Variants in GRIN2B observed in about 807,000 individuals in gnomAD.
The protein encoded by GRIN2B is glutamate receptor ionotropic, NMDA 2B.
A neutral mutation model predicts 114.5 loss-of-function variants in GRIN2B; 5 were observed. The observed-to-expected ratio is 0.04, with a 90% CI of 0.02 to 0.09. GRIN2B has a LOEUF of 0.09. GRIN2B is among the 10% of genes least tolerant of loss of function. The pLI is 1.00. For synonymous variants in GRIN2B, 787 were observed against 745.1 expected, an observed-to-expected ratio of 1.06 and a Z score of -0.92; for missense variants, 1,108 against 1,943.5, an observed-to-expected ratio of 0.57 and a Z score of 8.08.
chr12:13,695,955 TTGCTCCCTGTGACTG>T (rs1246024144), intron 4 of GRIN2B, among the ~76,000 whole-genome samples: 4 of 152,132 alleles, frequency 2.6e-5, no homozygotes, highest in Admixed American at 2.0e-4. Context: ...AATGCATCAA[TTGCTCCCTGTGACTG>T]CAGGGAGAAT....
At chr12:13,639,937 T>C (rs1160351305) in intron 5 of GRIN2B, among the ~76,000 whole-genome samples, 2 of 152,134 alleles carry the variant, frequency 1.3e-5, no homozygotes, top group South Asian at 2.1e-4. Flanking sequence ...CTTTTTACAC[T>C]TTTAGAGGCA....
chr12:13,584,080 C>T (rs1014716407), intron 10 of GRIN2B, among the ~76,000 whole-genome samples: 16 of 152,232 alleles, frequency 1.1e-4, no homozygotes, highest in Admixed American at 6.5e-5. Context: ...TTCAGAAGAA[C>T]GAAGGAGAGG....
At chr12:13,751,505 G>A (rs930014095) in intron 4 of GRIN2B, among the ~76,000 whole-genome samples, 13 of 152,126 alleles carry the variant, frequency 8.5e-5, no homozygotes, top group Admixed American at 3.9e-4. Flanking sequence ...ACTAAAATCC[G>A]GGGCAAACAG....
chr12:13,828,864 CA>C (rs1345337806), intron 3 of GRIN2B, among the ~76,000 whole-genome samples: 6 of 152,160 alleles, frequency 3.9e-5, no homozygotes, highest in Non-Finnish European at 2.9e-5. Flanking sequence ...TCAGTGGCTT[CA>C]TATTACACAT....
At chr12:13,589,262 C>T (rs529557010) in intron 10 of GRIN2B, among the ~76,000 whole-genome samples, 2 of 152,268 alleles carry the variant, frequency 1.3e-5, no homozygotes, top group African/African-American at 2.4e-5. Flanking sequence ...GTAGATGATA[C>T]AACAGAGGCT....
Position 13,563,884 on chromosome 12 carries a change from G to T in GRIN2B, c.3354C>A (p.Asp1118Glu), listed in dbSNP as rs2136404874. Residue 1118 changes from aspartate (D) to glutamate (E), a missense_variant, in exon 14 of 14, where the codon GAC (aspartate) becomes GAA (glutamate). By Grantham distance (45) the Asp-to-Glu change is conservative. This residue lies in a region of GRIN2B where 478 missense variants were observed against 506.0 expected (regional missense o/e 0.94). Coordinates refer to ENST00000609686, the MANE Select transcript of GRIN2B (RefSeq NM_000834.5). ...AYRRRPPRSP[D>E]HKRYFRDKEG... Reference sequence around the variant, plus strand: ...CCTTGTCCCTGAAGTAGCGCTTGTGGTCAGGGGAGCGGGGCGGTCGGCGAC... The same window carrying T: ...CCTTGTCCCTGAAGTAGCGCTTGTGTTCAGGGGAGCGGGGCGGTCGGCGAC... 2 of 1,614,142 alleles carry T rather than the reference G, an allele frequency of 1.2e-6. No homozygotes were observed. The highest frequency in any genetic ancestry group is 1.7e-6 in the Non-Finnish European group (2 of 1,180,040).
At chr12:13,964,193 A>G (rs898132179) in intron 2 of GRIN2B, among the ~76,000 whole-genome samples, 1 of 152,124 alleles carries the variant, frequency 6.6e-6, no homozygotes, top group Non-Finnish European at 1.5e-5. Context: ...TGCATCCCCT[A>G]TCCCTGGGCG....
intron 5 of GRIN2B, 87 bp downstream of exon 5, chr12:13,675,658 A>G (rs1224949769): frequency 1.2e-6 from 1 of 836,044 alleles, no homozygotes; most frequent in Non-Finnish European, 2.1e-6. Context: ...TAGGGACAAA[A>G]GCCAAAGGAC....
chr12:13,888,552 G>A (rs1866204422), intron 2 of GRIN2B, among the ~76,000 whole-genome samples: 1 of 151,856 alleles, frequency 6.6e-6, no homozygotes, highest in African/African-American at 2.4e-5. Flanking sequence ...TGGCCAATGT[G>A]GTGAAAACCC....
In GRIN2B at chr12:13,615,068, C is replaced by A; in HGVS notation, c.1654+46G>T. ...GCTCCTTTTTTCCTTATTTCACTTC[C>A]CCATCCATACGTCCATTTCCTTCCA... On this transcript the variant is annotated intron_variant, in intron 8 of 13. Transcript: ENST00000609686. This position sits in a 1 kb window ranked among gnomAD's most constrained non-coding sequence, Gnocchi z 5.8. 6.5e-7 allele frequency: 1 copy of A among 1,543,178 alleles called. No individual in the cohort carries two copies.
chr12:13,981,671 C>A (rs1201639844), upstream of GRIN2B: 2 of 148,154 alleles, frequency 1.3e-5, no homozygotes, highest in African/African-American at 2.5e-5. Flanking sequence ...AGGCAGGAGC[C>A]CAGATTCCAG....
chr12:13,889,271 T>C lies in GRIN2B; in HGVS notation c.-18-23045A>G, dbSNP rs73307986. ...GGACCACCGTCAAATATGTGGTCCA[T>C]TGTACACGTGGTCCATCATTGACCA... On this transcript the variant is annotated intron_variant, in intron 2 of 13. Coordinates refer to ENST00000609686, the MANE Select transcript of GRIN2B (RefSeq NM_000834.5). Among the ~76,000 whole-genome samples, 1,071 of 152,294 alleles carry C rather than the reference T, an allele frequency of 7.0e-3. 19 individuals carry two copies. The highest frequency in any genetic ancestry group is 0.024 in the African/African-American group (1,010 of 41,564).
intron 3 of GRIN2B, among the ~76,000 whole-genome samples, chr12:13,809,958 A>G (rs1864695376): frequency 6.6e-6 from 1 of 152,096 alleles, no homozygotes; most frequent in South Asian, 2.1e-4. Context: ...TTTCTGCTCT[A>G]GTCAGGAGAT....
chr12:13,752,107 A>C (rs1380564061), intron 4 of GRIN2B, among the ~76,000 whole-genome samples: 3 of 152,234 alleles, frequency 2.0e-5, no homozygotes. Context: ...TACTCTACAG[A>C]CTGCAGTCCA....
chr12:13,902,951 T>A (rs1022568194), intron 2 of GRIN2B, among the ~76,000 whole-genome samples: 17 of 152,200 alleles, frequency 1.1e-4, no homozygotes, highest in African/African-American at 4.1e-4. Context: ...ATCTTTGAGT[T>A]TTCTATTTAT....
At chr12:13,911,891 C>A (rs1454650927) in intron 2 of GRIN2B, among the ~76,000 whole-genome samples, 1 of 152,204 alleles carries the variant, frequency 6.6e-6, no homozygotes, top group Non-Finnish European at 1.5e-5. Context: ...AAGAAAACGG[C>A]AGGCTTGATT....
chr12:13,758,199 T>TA (rs757853459), intron 3 of GRIN2B, among the ~76,000 whole-genome samples: 9 of 152,252 alleles, frequency 5.9e-5, no homozygotes, highest in Admixed American at 3.9e-4. Flanking sequence ...AAGCTTCCAT[T>TA]AAAACTGCAT....
At chr12:13,940,438 G>GCACACA (rs141427427) in intron 2 of GRIN2B, among the ~76,000 whole-genome samples, 23 of 150,872 alleles carry the variant, frequency 1.5e-4, no homozygotes, top group African/African-American at 4.4e-4. Context: ...TCTCCTTGGC[G>GCACACA]CACACACACA....
intron 4 of GRIN2B, among the ~76,000 whole-genome samples, chr12:13,687,221 A>C (rs1014617495): frequency 6.6e-6 from 1 of 152,238 alleles, no homozygotes; most frequent in Non-Finnish European, 1.5e-5. Flanking sequence ...CAACAAAAAT[A>C]AAATCAGTAG....
Sources: allele counts gnomAD v4.1 joint callset (sites outside exome capture counted in the v4.1 genomes callset), GRCh38; gene constraint gnomAD v4.1.1; regional missense constraint gnomAD v4.1.1; non-coding constraint Gnocchi (gnomAD v3.1); transcripts MANE v1.5; gene names NCBI Gene and HGNC (gene_info 2026-07-23, HGNC 2026-07-21).